The following DNAH14 variants were observed in gnomAD, a reference collection of about 807,000 sequenced individuals.
The protein encoded by DNAH14 is dynein axonemal heavy chain 14.
Under a neutral mutation model 520.9 loss-of-function variants are expected in DNAH14, and 478 were observed. The observed-to-expected ratio is 0.92, with a 90% CI of 0.85 to 0.99. The LOEUF (loss-of-function observed/expected upper bound fraction) is 0.99, where lower values mean the gene tolerates loss of function less well. Ranked by LOEUF, DNAH14 falls within the 50% of genes least tolerant of loss-of-function variation. The pLI, the probability that DNAH14 is intolerant of heterozygous loss-of-function variation, is 0.00. For synonymous variants in DNAH14, 1,581 were observed against 1,757.2 expected, an observed-to-expected ratio of 0.90 and a Z score of 2.51; for missense variants, 4,831 against 5,234.5, an observed-to-expected ratio of 0.92 and a Z score of 2.38.
At chr1:225,027,667 C>A (rs1010424969) in intron 11 of DNAH14, among the ~76,000 whole-genome samples, 1 of 151,990 alleles carries the variant, frequency 6.6e-6, no homozygotes, top group Non-Finnish European at 1.5e-5. Context: ...ACAACCAGGT[C>A]TCATGAGAAC....
intron 27 of DNAH14, among the ~76,000 whole-genome samples, chr1:225,133,899 C>T (rs1573390274): frequency 6.6e-6 from 1 of 151,920 alleles, no homozygotes; most frequent in Admixed American, 6.6e-5. Flanking sequence ...CTCTGATTTC[C>T]CTGAGCAGTG....
At chr1:225,291,714 T>C (rs2093896068) in intron 55 of DNAH14, among the ~76,000 whole-genome samples, 1 of 152,200 alleles carries the variant, frequency 6.6e-6, no homozygotes, top group Non-Finnish European at 1.5e-5. Context: ...GAGTTCCCTT[T>C]CTCCACATCT....
chr1:225,162,862 C>A (rs541939186), intron 35 of DNAH14, among the ~76,000 whole-genome samples: 1 of 152,046 alleles, frequency 6.6e-6, no homozygotes, highest in South Asian at 2.1e-4. Context: ...ATTGGCCAGG[C>A]GTGGTGGCTC....
chr1:225,363,695 A>G (rs2095520277), intron 75 of DNAH14, among the ~76,000 whole-genome samples: 1 of 152,192 alleles, frequency 6.6e-6, no homozygotes. Context: ...CGATTCCCTT[A>G]TATCAAGTGG....
intron 42 of DNAH14, 26 bp downstream of exon 42, chr1:225,231,177 T>C: frequency 6.7e-7 from 1 of 1,497,434 alleles, no homozygotes; most frequent in African/African-American, 1.4e-5. Context: ...TCAGAAAACA[T>C]GTTTTAATAA....
chr1:225,068,731 T>G (rs1408323093), intron 17 of DNAH14, among the ~76,000 whole-genome samples: 1 of 152,202 alleles, frequency 6.6e-6, no homozygotes, highest in Admixed American at 6.5e-5. Context: ...AGTTCATTTA[T>G]GATTTGGCTA....
At chr1:225,219,582 C>A (rs1204216129) in intron 41 of DNAH14, among the ~76,000 whole-genome samples, 4 of 152,070 alleles carry the variant, frequency 2.6e-5, no homozygotes, top group East Asian at 3.9e-4. Flanking sequence ...TTCCTGGAGA[C>A]ATACGCTCTT....
intron 1 of DNAH14, among the ~76,000 whole-genome samples, chr1:224,945,746 G>T (rs1311473737): frequency 2.0e-5 from 3 of 152,296 alleles, no homozygotes; most frequent in Admixed American, 2.0e-4. Flanking sequence ...GGAGTTTGCT[G>T]GAGGTCCACT....
At chr1:225,347,527 C>T (rs1292438125) in intron 71 of DNAH14, among the ~76,000 whole-genome samples, 1 of 152,120 alleles carries the variant, frequency 6.6e-6, no homozygotes, top group Admixed American at 6.6e-5. Flanking sequence ...CTAGGGGCCT[C>T]CCAAGGGACT....
chr1:225,079,528 G>A lies in DNAH14; in HGVS notation c.2746G>A (p.Val916Ile), dbSNP rs1216945001. 3.3e-6 allele frequency: 5 copies of A among 1,509,326 alleles called. No homozygotes were observed. In the African/African-American group the frequency reaches 7.2e-5, roughly 22 times the overall value. 93.5% of individuals were successfully genotyped at this position (1,509,326 alleles called of 1,614,324 possible). Residue 916 changes from valine (V) to isoleucine (I), a missense_variant, in exon 18 of 86, where the codon GTT (valine) becomes ATT (isoleucine). Val to Ile is a conservative substitution (Grantham distance 29). Transcript: ENST00000682510. ...ATGTATCAGTGGTCTACATGTTGAT[G>A]TTGGCAATTTAAAAGCCAAGGTAAG... ...EACISGLHVD[V>I]GNLKAKIRTP...
At position 225,178,579 on chromosome 1, in the gene DNAH14, C is replaced by G. The variant is rs187703326; in HGVS notation, c.5536-6712C>G. The stretch of plus-strand genomic sequence containing the variant: ...ATATCAGGCTATGTTTATCCGATGC[C>G]TGTACCCCCATTTATATCTAGGGAG... On this transcript the variant is annotated intron_variant, in intron 36 of 85. Transcript: ENST00000682510. 4.6e-5 allele frequency among the ~76,000 whole-genome samples: 7 copies of G among 152,278 alleles called. No individual in the cohort carries two copies. In the East Asian group the frequency reaches 1.2e-3, roughly 25 times the overall value.
intron 8 of DNAH14, among the ~76,000 whole-genome samples, chr1:224,984,322 G>A (rs570113465): frequency 6.6e-6 from 1 of 152,268 alleles, no homozygotes; most frequent in East Asian, 1.9e-4. Context: ...ATGGTGCTGG[G>A]ATAATTGGCT....
rs1261346144 is a variant in DNAH14, at chr1:225,324,849, A to T, written c.9723+17A>T. On this transcript the variant is annotated intron_variant, in intron 64 of 85. Coordinates refer to ENST00000682510, the MANE Select transcript of DNAH14 (RefSeq NM_001367479.1). Reference sequence around the variant, plus strand: ...TTACAGCTGGTAAGAAATACAGTTCAGTTCTCAAAATAAGACAAAACACCA... The same window carrying T: ...TTACAGCTGGTAAGAAATACAGTTCTGTTCTCAAAATAAGACAAAACACCA... The T allele has an allele frequency of 6.5e-7, 1 of 1,538,856 alleles. No homozygotes were observed. Among genetic ancestry groups the T allele is most frequent in the East Asian group, 2.5e-5 (1 of 40,810 alleles).
intron 10 of DNAH14, among the ~76,000 whole-genome samples, chr1:225,020,542 T>A (rs928890704): frequency 3.7e-5 from 5 of 133,660 alleles, no homozygotes; most frequent in Admixed American, 7.6e-5. Context: ...TATAAACACC[T>A]CTTTGCATAC....
chr1:225,020,755 C>G (rs1558703396), intron 10 of DNAH14, among the ~76,000 whole-genome samples: 1 of 152,056 alleles, frequency 6.6e-6, no homozygotes, highest in Non-Finnish European at 1.5e-5. Flanking sequence ...TAGTACCAAT[C>G]CTACTGAAAT....
At chr1:225,293,633 G>A (rs1204061240) in intron 55 of DNAH14, among the ~76,000 whole-genome samples, 1 of 152,226 alleles carries the variant, frequency 6.6e-6, no homozygotes, top group East Asian at 1.9e-4. Flanking sequence ...GATGGACACA[G>A]AGGGGAACCA....
chr1:225,188,676 G>A (rs1436034659), intron 37 of DNAH14, among the ~76,000 whole-genome samples: 1 of 151,838 alleles, frequency 6.6e-6, no homozygotes, highest in Non-Finnish European at 1.5e-5. Context: ...TTGGGGCTCT[G>A]TGCAATTCCA....
At chr1:225,268,457 T>C (rs544638868) in intron 49 of DNAH14, among the ~76,000 whole-genome samples, 69 of 152,320 alleles carry the variant, frequency 4.5e-4, no homozygotes, top group Non-Finnish European at 8.2e-4. Context: ...CTATTCAACA[T>C]AGTTTTGGAA....
At chr1:225,066,042 A>G (rs767287932) in intron 17 of DNAH14, among the ~76,000 whole-genome samples, 1 of 152,054 alleles carries the variant, frequency 6.6e-6, no homozygotes, top group Non-Finnish European at 1.5e-5. Flanking sequence ...CATTTTGATA[A>G]TAACTATTCT....
Sources: allele counts gnomAD v4.1 joint callset (sites outside exome capture counted in the v4.1 genomes callset), GRCh38; gene constraint gnomAD v4.1.1; transcripts MANE v1.5; gene names NCBI Gene and HGNC (gene_info 2026-07-23, HGNC 2026-07-21).